The following TRPM3 variants were observed in gnomAD, a reference collection of about 807,000 sequenced individuals.
TRPM3 encodes the protein long transient receptor potential channel 3.
TRPM3 carries 77 observed loss-of-function variants against 181.2 expected under a neutral mutation model. The ratio of observed to expected loss-of-function variants is 0.42; its 90% CI spans 0.35 to 0.51. TRPM3 has a LOEUF of 0.51. Among genes scored for constraint, TRPM3 ranks in the 20% least tolerant of loss-of-function variants. The pLI is 0.01. For missense variants in TRPM3, 1,759 were observed against 2,196.7 expected, an observed-to-expected ratio of 0.80 and a Z score of 3.98; for synonymous variants, 745 against 796.4, an observed-to-expected ratio of 0.94 and a Z score of 1.09.
chr9:71,128,641 A>AT (rs2074196677), intron 1 of TRPM3, among the ~76,000 whole-genome samples: 1 of 152,196 alleles, frequency 6.6e-6, no homozygotes, highest in African/African-American at 2.4e-5. Context: ...GAATGTAGGT[A>AT]TTTTAGATAC....
At chr9:70,968,795 A>T (rs1045382903) in intron 1 of TRPM3, among the ~76,000 whole-genome samples, 1 of 152,148 alleles carries the variant, frequency 6.6e-6, no homozygotes, top group Non-Finnish European at 1.5e-5. Context: ...GTGTTGGGAA[A>T]ACTGGCTAGC....
chr9:70,928,395 T>G (rs961739521), intron 1 of TRPM3, among the ~76,000 whole-genome samples: 1 of 152,206 alleles, frequency 6.6e-6, no homozygotes, highest in Non-Finnish European at 1.5e-5. Flanking sequence ...ACAGTCAGAT[T>G]TTATACAGGT....
intron 25 of TRPM3, 113 bp downstream of exon 25, chr9:70,549,429 C>A: frequency 7.4e-7 from 1 of 1,345,414 alleles, no homozygotes; most frequent in African/African-American, 1.5e-5. Context: ...ATTTCTCAGA[C>A]AATAAAAACA....
intron 5 of TRPM3, among the ~76,000 whole-genome samples, chr9:70,834,791 A>C (rs2131833055): frequency 6.6e-6 from 1 of 152,288 alleles, no homozygotes; most frequent in South Asian, 2.1e-4. Context: ...TGACCTCAAG[A>C]GACAGCCCAG....
chr9:71,004,351 G>A (rs138489302), intron 1 of TRPM3, among the ~76,000 whole-genome samples: 3 of 152,350 alleles, frequency 2.0e-5, no homozygotes, highest in African/African-American at 7.2e-5. Flanking sequence ...CTCAGACTGG[G>A]AAACAAGGGC....
intron 1 of TRPM3, among the ~76,000 whole-genome samples, chr9:71,007,148 T>C (rs2097688549): frequency 1.6e-5 from 2 of 128,868 alleles, no homozygotes; most frequent in African/African-American, 5.9e-5. Context: ...GGGGTTAATA[T>C]AGCAAGAGAA....
chr9:71,148,523 G>C (rs2075559126), intron 1 of TRPM3, among the ~76,000 whole-genome samples: 2 of 152,060 alleles, frequency 1.3e-5, no homozygotes, highest in South Asian at 4.1e-4. Context: ...TCTGCCTACT[G>C]TTCACAGAAT....
intron 1 of TRPM3, among the ~76,000 whole-genome samples, chr9:71,390,519 C>T (rs755070409): frequency 1.3e-5 from 2 of 151,900 alleles, no homozygotes; most frequent in Non-Finnish European, 2.9e-5. Context: ...TCCTTTCTAC[C>T]AGTTTCATAA....
intron 7 of TRPM3, among the ~76,000 whole-genome samples, chr9:70,771,887 T>G (rs889947639): frequency 2.0e-5 from 3 of 152,216 alleles, no homozygotes; most frequent in Non-Finnish European, 4.4e-5. Context: ...TTATTACTTT[T>G]GTCTATCTAA....
At chr9:71,119,550 C>G (rs914501889) in intron 1 of TRPM3, among the ~76,000 whole-genome samples, 1 of 151,936 alleles carries the variant, frequency 6.6e-6, no homozygotes, top group African/African-American at 2.4e-5. Flanking sequence ...TAAAAAAAAA[C>G]TAGCATATTA....
At chr9:71,344,390 G>T (rs1351647645) in intron 1 of TRPM3, among the ~76,000 whole-genome samples, 1 of 151,994 alleles carries the variant, frequency 6.6e-6, no homozygotes, top group Non-Finnish European at 1.5e-5. Context: ...GGTGGAGGTT[G>T]CAGTGAGCCA....
intron 1 of TRPM3, among the ~76,000 whole-genome samples, chr9:71,378,718 C>T (rs1449004505): frequency 1.3e-5 from 2 of 152,002 alleles, no homozygotes; most frequent in African/African-American, 4.8e-5. Flanking sequence ...TGAACAATGC[C>T]TTTGAGTTAA....
chr9:71,119,720 C>T (rs750313890), intron 1 of TRPM3, among the ~76,000 whole-genome samples: 9 of 152,248 alleles, frequency 5.9e-5, no homozygotes, highest in Non-Finnish European at 8.8e-5. Context: ...TAGATATGCC[C>T]ATTCTTTGCC....
At chr9:71,009,982 A>C (rs1434385935) in intron 1 of TRPM3, among the ~76,000 whole-genome samples, 2 of 152,204 alleles carry the variant, frequency 1.3e-5, no homozygotes, top group Non-Finnish European at 2.9e-5. Context: ...CATTGGGGAA[A>C]AGACAGTCTC....
chr9:70,587,273 A>G (rs2057304920), intron 22 of TRPM3, among the ~76,000 whole-genome samples: 1 of 152,208 alleles, frequency 6.6e-6, no homozygotes, highest in Admixed American at 6.5e-5. Context: ...AAAAATACTC[A>G]GAGAAGCAGA....
upstream of TRPM3, chr9:71,121,652 A>G: frequency 8.7e-7 from 1 of 1,148,458 alleles, no homozygotes; most frequent in Non-Finnish European, 1.1e-6. Context: ...TCCTCCCAGT[A>G]AACGCAGGTC....
intron 12 of TRPM3, among the ~76,000 whole-genome samples, chr9:70,631,043 C>T (rs2065750353): frequency 6.6e-6 from 1 of 152,130 alleles, no homozygotes; most frequent in South Asian, 2.1e-4. Context: ...AGATTGGTTC[C>T]TTCTGAGATA....
intron 25 of TRPM3, among the ~76,000 whole-genome samples, chr9:70,548,064 G>C (rs1373699376): frequency 6.6e-6 from 1 of 151,994 alleles, no homozygotes; most frequent in Non-Finnish European, 1.5e-5. Context: ...TGGCTTTTCT[G>C]AATTTAAAAA....
intron 1 of TRPM3, among the ~76,000 whole-genome samples, chr9:71,342,789 T>A (rs1156230321): frequency 1.3e-5 from 2 of 152,072 alleles, no homozygotes; most frequent in African/African-American, 4.8e-5. Context: ...TCATTCATAG[T>A]TGTAAAAAAA....
Sources: gnomAD v4.1 joint callset for allele counts (sites outside exome capture counted in the v4.1 genomes callset) on GRCh38, gnomAD v4.1.1 for gene constraint, MANE v1.5 for transcripts, NCBI Gene and HGNC (gene_info 2026-07-23, HGNC 2026-07-21) for gene names.